NPTXR: variants seen among roughly 807,000 people sequenced by gnomAD.
NPTXR encodes the protein neuronal pentraxin receptor.
NPTXR carries 12 observed loss-of-function variants against 32.2 expected under a neutral mutation model. The ratio of observed to expected loss-of-function variants is 0.37; its 90% CI spans 0.24 to 0.60. NPTXR has a LOEUF of 0.60. Ranked by LOEUF, NPTXR falls within the 20% of genes least tolerant of loss-of-function variation. NPTXR has a pLI of 0.66. For missense variants in NPTXR, 612 were observed against 682.9 expected, an observed-to-expected ratio of 0.90 and a Z score of 1.16; for synonymous variants, 323 against 315.8, an observed-to-expected ratio of 1.02 and a Z score of -0.24.
chr22:38,839,093 C>T (rs1056234244), intron 1 of NPTXR, among the ~76,000 whole-genome samples: 2 of 152,158 alleles, frequency 1.3e-5, no homozygotes, highest in African/African-American at 4.8e-5. Context: ...CTGTGCCTGC[C>T]GCATAGTAAG....
rs1340912569 is a variant in NPTXR, at chr22:38,834,632, C to CCATA, written c.625-6121_625-6120insTATG. On this transcript the variant is annotated intron_variant, in intron 1 of 4. Transcript: ENST00000333039. The surrounding 1 kb of genome is among the most constrained non-coding windows in gnomAD (Gnocchi z 4.4). ...TCCATCCATCCATCCATCCATCCATCCATCCATGTGTGCCGCAGCAACATG... is the reference window on the plus strand; with the variant it reads ...TCCATCCATCCATCCATCCATCCATCCATACATCCATGTGTGCCGCAGCAACATG... 6.6e-6 allele frequency among the ~76,000 whole-genome samples: 1 copy of CCATA among 150,434 alleles called. No individual in the cohort carries two copies. The highest frequency in any genetic ancestry group is 6.6e-5 in the Admixed American group (1 of 15,192).
chr22:38,842,120 G>A (rs915255890), intron 1 of NPTXR, among the ~76,000 whole-genome samples: 1 of 152,204 alleles, frequency 6.6e-6, no homozygotes, highest in African/African-American at 2.4e-5. Context: ...CACCAGTGCT[G>A]CTTGCCCAGG....
rs376313574 is a variant in NPTXR, at chr22:38,826,669, C to T, written c.929G>A (p.Arg310Gln). 5.5e-5 allele frequency: 89 copies of T among 1,614,138 alleles called. No homozygotes were observed. Among genetic ancestry groups the T allele is most frequent in the African/African-American group, 2.7e-4 (20 of 75,026 alleles). Residue 310 changes from arginine to glutamine, a missense_variant, in exon 3 of 5, where the codon CGG becomes CAG. Arg to Gln is a conservative substitution (Grantham distance 43). Transcript: ENST00000333039. ...TGCGTAGAGCTCGGGCAGAGCCTTC[C>T]GCACGCGGGCGTACATGTAGTTGTT...
intron 1 of NPTXR, among the ~76,000 whole-genome samples, chr22:38,829,437 G>A (rs1436472706): frequency 6.6e-6 from 1 of 152,194 alleles, no homozygotes; most frequent in Non-Finnish European, 1.5e-5. Flanking sequence ...CTCTGGGGTG[G>A]AGGAACGCAG....
At chr22:38,830,794 A>G (rs896555882) in intron 1 of NPTXR, among the ~76,000 whole-genome samples, 8 of 152,134 alleles carry the variant, frequency 5.3e-5, no homozygotes, top group Non-Finnish European at 2.9e-5. Context: ...ATGGGGCAAC[A>G]GACACAAGTC....
In NPTXR at chr22:38,828,348, C is replaced by A; in HGVS notation, c.789G>T (p.Gln263His). 1 of 1,613,138 alleles carries A rather than the reference C, an allele frequency of 6.2e-7. No homozygotes were observed. Among genetic ancestry groups the A allele is most frequent in the Non-Finnish European group, 8.5e-7 (1 of 1,179,998 alleles). Residue 263 changes from glutamine (Q) to histidine (H), a missense_variant, in exon 2 of 5, where the codon CAG (glutamine) becomes CAT (histidine). Gln to His is a conservative substitution (Grantham distance 24). Coordinates refer to ENST00000333039, the MANE Select transcript of NPTXR (RefSeq NM_014293.4). ...CCAACTCCTTTTCCACTTCCTGCCT[C>A]TGCCGGCGGCTGCTGTGGCTGAGGG...
At chr22:38,828,630 G>C (rs541463702) in intron 1 of NPTXR, 118 bp from the exon 2 acceptor site, 1 of 745,252 alleles carries the variant, frequency 1.3e-6, no homozygotes, top group African/African-American at 1.8e-5. Flanking sequence ...TCCCCAGTAT[G>C]CAAAATGGGA....
chr22:38,832,310 T>G (rs1309637733), intron 1 of NPTXR, among the ~76,000 whole-genome samples: 1 of 152,218 alleles, frequency 6.6e-6, no homozygotes, highest in Non-Finnish European at 1.5e-5. Context: ...CCCGGCCCGA[T>G]GCCAACTGGG....
chr22:38,826,376 C>T lies in NPTXR; in HGVS notation c.1098+124G>A. Reference sequence around the variant, plus strand: ...AGCCCAGCCTAGCACACGGTAGGTACTTAATGTGTGCTGAATATGCAGAGC... The same window carrying T: ...AGCCCAGCCTAGCACACGGTAGGTATTTAATGTGTGCTGAATATGCAGAGC... On this transcript the variant is annotated intron_variant, in intron 3 of 4. Coordinates refer to ENST00000333039, the MANE Select transcript of NPTXR (RefSeq NM_014293.4). 3.3e-6 allele frequency: 4 copies of T among 1,204,322 alleles called. No individual in the cohort carries two copies. In the South Asian group the frequency reaches 5.8e-5, roughly 17 times the overall value. 74.6% of individuals were successfully genotyped at this position (1,204,322 alleles called of 1,614,324 possible). A position where few individuals can be genotyped will look rare whatever the true frequency, so the allele number is the denominator to read the frequency against.
At chr22:38,833,423 C>T (rs2093119320) in intron 1 of NPTXR, among the ~76,000 whole-genome samples, 1 of 152,222 alleles carries the variant, frequency 6.6e-6, no homozygotes, top group African/African-American at 2.4e-5. Flanking sequence ...CCCATCCAAC[C>T]ATCCCCTGAG....
intron 1 of NPTXR, among the ~76,000 whole-genome samples, chr22:38,836,760 G>A (rs539703506): frequency 3.9e-5 from 6 of 152,124 alleles, no homozygotes; most frequent in Non-Finnish European, 5.9e-5. Flanking sequence ...GACCTCTTCC[G>A]TATCTTGAAT....
At chr22:38,832,450 G>C (rs995195044) in intron 1 of NPTXR, among the ~76,000 whole-genome samples, 1 of 152,228 alleles carries the variant, frequency 6.6e-6, no homozygotes, top group African/African-American at 2.4e-5. Context: ...TTTGGCGTAA[G>C]TGTGCTGGGC....
chr22:38,827,235 T>G (rs1464197756), intron 2 of NPTXR, among the ~76,000 whole-genome samples: 2 of 148,576 alleles, frequency 1.3e-5, no homozygotes, highest in Non-Finnish European at 3.0e-5. Flanking sequence ...ATTCTTTCTT[T>G]TCTTTTCTTT....
rs2093136073 is a variant in NPTXR at position 38,843,958 on chromosome 22, G to A, written c.-100C>T. ...CGCTGGGCCGAGCGGGGCAGGCGCG[G>A]GAGCCGGAGCCGGAGCCGGAGCCGG... On this transcript the variant is annotated 5_prime_UTR_variant, in exon 1 of 5. Transcript: ENST00000333039. This position sits in a 1 kb window ranked among gnomAD's most constrained non-coding sequence, Gnocchi z 5.3. The A allele has an allele frequency of 6.2e-6, 2 of 320,352 alleles. No individual in the cohort carries two copies. The highest frequency in any genetic ancestry group is 2.4e-5 in the African/African-American group (1 of 41,736). 19.8% of individuals were successfully genotyped at this position (320,352 alleles called of 1,614,324 possible). A position where few individuals can be genotyped will look rare whatever the true frequency, so the allele number is the denominator to read the frequency against.
rs761787206 is a variant in NPTXR, at chr22:38,826,689, G to A, written c.909C>T (p.Asn303=). ...CCTTCCGCACGCGGGCGTACATGTA[G>A]TTGTTACGGATGGGGATGCTGATCT... is the stretch of plus-strand genomic sequence containing the variant. The change falls in exon 3 of 5, where the codon AAC becomes AAT. Residue 303 remains asparagine (N), a synonymous_variant. Transcript: ENST00000333039. 4 of 1,614,280 alleles carry A rather than the reference G, an allele frequency of 2.5e-6. No individual in the cohort carries two copies. The highest frequency in any genetic ancestry group is 2.2e-5 in the East Asian group (1 of 44,888).
Position 38,843,353 on chromosome 22 carries a change from A to C in NPTXR, c.506T>G (p.Leu169Arg). 2 of 1,412,122 alleles carry C rather than the reference A, an allele frequency of 1.4e-6. No individual in the cohort carries two copies. Among genetic ancestry groups the C allele is most frequent in the South Asian group, 1.5e-5 (1 of 68,228 alleles). 87.5% of individuals were successfully genotyped at this position (1,412,122 alleles called of 1,614,324 possible). A position where few individuals can be genotyped will look rare whatever the true frequency, so the allele number is the denominator to read the frequency against. ...GTCGCGGCGGGGCCCGGCGCCCTGG[A>C]GGCCGCGCGGCAGGCCGCTCTCGCA... Residue 169 changes from leucine (L) to arginine (R), a missense_variant, in exon 1 of 5, where the codon CTC becomes CGC. Leu to Arg is a moderately radical substitution (Grantham distance 102). Transcript: ENST00000333039. This position sits in a 1 kb window ranked among gnomAD's most constrained non-coding sequence, Gnocchi z 5.3.
intron 1 of NPTXR, among the ~76,000 whole-genome samples, chr22:38,838,573 A>ACTTTTTTTTTTTTTTTTT (rs200891254): frequency 2.4e-5 from 2 of 83,190 alleles, no homozygotes; most frequent in Non-Finnish European, 4.5e-5. Flanking sequence ...TCACCTGGCT[A>ACTTTTTTTTTTTTTTTTT]TTTTTTTTTT....
Position 38,822,717 on chromosome 22 carries a change from A to C in NPTXR, c.1395T>G (p.Thr465=), listed in dbSNP as rs772344000. 10 of 1,614,148 alleles carry C rather than the reference A, an allele frequency of 6.2e-6. No homozygotes were observed. The highest frequency in any genetic ancestry group is 5.9e-6 in the Non-Finnish European group (7 of 1,179,998). The change falls in exon 5 of 5, where the codon ACT becomes ACG. Residue 465 remains threonine, a synonymous_variant. Coordinates refer to ENST00000333039, the MANE Select transcript of NPTXR (RefSeq NM_014293.4). ...GAAGGACGTTGCCCAGCAGTGGCGC[A>C]GTGCAGTTGGCAATGCCCAGGACCT...
At position 38,843,635 on chromosome 22, in the gene NPTXR, G is replaced by A; in HGVS notation, c.224C>T (p.Pro75Leu). 9.1e-7 allele frequency: 1 copy of A among 1,100,430 alleles called. No individual in the cohort carries two copies. The highest frequency in any genetic ancestry group is 1.1e-6 in the Non-Finnish European group (1 of 906,030). 68.2% of individuals were successfully genotyped at this position (1,100,430 alleles called of 1,614,324 possible). Residue 75 changes from proline to leucine, a missense_variant, in exon 1 of 5, where the codon CCC becomes CTC. Transcript: ENST00000333039. This position sits in a 1 kb window ranked among gnomAD's most constrained non-coding sequence, Gnocchi z 5.3. ...GTGCGCGCTGGCCGCGGGTGCCCCG[G>A]GCAGCGCGGGGGGCCCGGCTGAACC...
Sources: gnomAD v4.1 joint callset for allele counts (sites outside exome capture counted in the v4.1 genomes callset) on GRCh38, gnomAD v4.1.1 for gene constraint, Gnocchi (gnomAD v3.1) non-coding constraint, MANE v1.5 for transcripts, NCBI Gene and HGNC (gene_info 2026-07-23, HGNC 2026-07-21) for gene names.